SYNE2: variants seen among roughly 807,000 people sequenced by gnomAD.
The protein encoded by SYNE2 is nesprin-2.
SYNE2 carries 431 observed loss-of-function variants against 856.3 expected under a neutral mutation model. That is an observed-to-expected ratio of 0.50 (90% CI 0.47 to 0.55). The LOEUF (loss-of-function observed/expected upper bound fraction) is 0.55. SYNE2 is among the 20% of genes least tolerant of loss of function. The probability of loss-of-function intolerance (pLI) is 0.00; values close to 1 mark genes in which losing one functional copy is unlikely to be tolerated. For missense variants in SYNE2, 8,129 were observed against 8,023.2 expected (o/e 1.01, Z -0.50); for synonymous variants, 2,923 against 2,872.3 (o/e 1.02, Z -0.56).
intron 61 of SYNE2, among the ~76,000 whole-genome samples, chr14:64,096,039 C>G (rs1393621307): frequency 6.6e-6 from 1 of 152,144 alleles, no homozygotes; most frequent in East Asian, 1.9e-4. Flanking sequence ...TTCAATGCGC[C>G]ATCTTGGAAA....
intron 84 of SYNE2, among the ~76,000 whole-genome samples, chr14:64,149,365 A>C (rs2098219477): frequency 1.3e-5 from 2 of 152,166 alleles, no homozygotes; most frequent in East Asian, 3.8e-4. Context: ...TACTTTAATG[A>C]CTTATCCCAG....
intron 1 of SYNE2, among the ~76,000 whole-genome samples, chr14:63,872,266 T>A (rs1897027088): frequency 6.6e-6 from 1 of 151,342 alleles, no homozygotes; most frequent in African/African-American, 2.4e-5. Context: ...CTGTCTCTAC[T>A]AAAAATAAAA....
chr14:64,124,920 T>C (rs1303685680), intron 70 of SYNE2, among the ~76,000 whole-genome samples, 159 bp from the exon 71 acceptor site: 1 of 152,178 alleles, frequency 6.6e-6, no homozygotes, highest in Non-Finnish European at 1.5e-5. Context: ...GGAGAATCTC[T>C]TGAACATGGG....
At chr14:63,940,569 C>T (rs997335797) in intron 2 of SYNE2, 45 bp from the exon 3 acceptor site, 31 of 1,588,774 alleles carry the variant, frequency 2.0e-5, no homozygotes, top group Non-Finnish European at 2.3e-5. Context: ...CAGGAGGTTT[C>T]TGAGGCTTCT....
At chr14:63,989,205 T>A (rs1214168345) in intron 19 of SYNE2, among the ~76,000 whole-genome samples, 1 of 152,242 alleles carries the variant, frequency 6.6e-6, no homozygotes, top group Non-Finnish European at 1.5e-5. Flanking sequence ...CTGTGTCAAA[T>A]ATTTTTGCTG....
intron 1 of SYNE2, among the ~76,000 whole-genome samples, chr14:63,775,870 T>C (rs1887089900): frequency 6.6e-6 from 1 of 152,178 alleles, no homozygotes; most frequent in Admixed American, 6.6e-5. Flanking sequence ...CTAAAAAAAC[T>C]AGGCTTCTTC....
chr14:64,045,465 G>A (rs2097179559), intron 45 of SYNE2, among the ~76,000 whole-genome samples: 1 of 152,002 alleles, frequency 6.6e-6, no homozygotes, highest in African/African-American at 2.4e-5. Flanking sequence ...GGTCCTCTAG[G>A]AAATAGTAAC....
At chr14:63,924,044 C>G (rs1184708816) in intron 2 of SYNE2, among the ~76,000 whole-genome samples, 2 of 152,192 alleles carry the variant, frequency 1.3e-5, no homozygotes, top group Admixed American at 6.5e-5. Flanking sequence ...TGGGCTCAAG[C>G]AATCCACTCA....
At chr14:63,924,826 G>T in intron 2 of SYNE2, among the ~76,000 whole-genome samples, 1 of 55,944 alleles carries the variant, frequency 1.8e-5, no homozygotes, top group African/African-American at 6.7e-5. Flanking sequence ...TTTCCTTCCA[G>T]CCTTGGTGTT....
chr14:63,857,432 T>C (rs948067053), intron 1 of SYNE2, among the ~76,000 whole-genome samples: 4 of 152,240 alleles, frequency 2.6e-5, no homozygotes, highest in African/African-American at 9.6e-5. Context: ...AAAGCTGCCA[T>C]GAACATTATA....
intron 45 of SYNE2, among the ~76,000 whole-genome samples, chr14:64,046,330 T>G (rs1165660649): frequency 1.3e-5 from 2 of 152,226 alleles, no homozygotes; most frequent in Non-Finnish European, 2.9e-5. Context: ...ACTGATTGGC[T>G]TAAGACATAA....
chr14:63,954,369 A>G (rs368426179), intron 7 of SYNE2, among the ~76,000 whole-genome samples: 10 of 152,250 alleles, frequency 6.6e-5, no homozygotes, highest in Admixed American at 6.5e-5. Flanking sequence ...AGTGAATATC[A>G]TTATCTCCTG....
At chr14:64,089,552 G>C (rs762266096) in intron 58 of SYNE2, 22 bp from the exon 59 acceptor site, 29 of 1,601,864 alleles carry the variant, frequency 1.8e-5, no homozygotes, top group African/African-American at 2.7e-5. Context: ...TATTGCATCA[G>C]TGTGTTCTTC....
chr14:63,772,783 C>CT (rs372359731), intron 1 of SYNE2, among the ~76,000 whole-genome samples: 2,250 of 148,574 alleles, frequency 0.015, 37 homozygotes, highest in Admixed American at 0.025. Flanking sequence ...AGCTACATTA[C>CT]TTTTTTTTTT....
In SYNE2 at chr14:64,024,899, A is replaced by G. The variant is rs2096965869; in HGVS notation, c.5841-13A>G. 6.2e-7 allele frequency: 1 copy of G among 1,613,700 alleles called. No homozygotes were observed. The highest frequency in any genetic ancestry group is 8.5e-7 in the Non-Finnish European group (1 of 1,179,780). On this transcript the variant is annotated splice_polypyrimidine_tract_variant and intron_variant, in intron 39 of 115. Coordinates refer to ENST00000555002, the MANE Select transcript of SYNE2 (RefSeq NM_182914.3). ...GCTTATTTTGTATTTAAACATGTGT[A>G]ATGCTCTTTTAGACTCCAGGATGAC...
intron 100 of SYNE2, among the ~76,000 whole-genome samples, chr14:64,205,818 G>A (rs919760829): frequency 1.3e-5 from 2 of 152,090 alleles, no homozygotes; most frequent in African/African-American, 4.8e-5. Context: ...TTGTTCATTG[G>A]TTGGTTGCTT....
chr14:63,990,924 A>G lies in SYNE2; in HGVS notation c.2473-18A>G, dbSNP rs376013244. 3 of 1,612,770 alleles carry G rather than the reference A, an allele frequency of 1.9e-6. No individual in the cohort carries two copies. The highest frequency in any genetic ancestry group is 2.5e-6 in the Non-Finnish European group (3 of 1,179,020). On this transcript the variant is annotated intron_variant, in intron 20 of 115. Coordinates refer to ENST00000555002, the MANE Select transcript of SYNE2 (RefSeq NM_182914.3). The stretch of plus-strand genomic sequence containing the variant: ...GAATTGGTCCCCGTGTTAATTTGAG[A>G]ATTTTTTTGTCTTCAAGATCAATGT...
intron 12 of SYNE2, 119 bp downstream of exon 12, chr14:63,976,846 G>C (rs1395708505): frequency 8.7e-7 from 1 of 1,145,492 alleles, no homozygotes; most frequent in African/African-American, 1.5e-5. Context: ...GGATGGTTTA[G>C]AATGATTCCT....
intron 45 of SYNE2, among the ~76,000 whole-genome samples, chr14:64,046,994 G>A (rs1048303341): frequency 1.3e-5 from 2 of 152,224 alleles, no homozygotes; most frequent in Admixed American, 6.5e-5. Flanking sequence ...CCCTTGCCTC[G>A]TCATGTGGAG....
Sources: allele counts gnomAD v4.1 joint callset (sites outside exome capture counted in the v4.1 genomes callset), GRCh38; gene constraint gnomAD v4.1.1; transcripts MANE v1.5; gene names NCBI Gene and HGNC (gene_info 2026-07-23, HGNC 2026-07-21).